Variants in STK32B observed in about 807,000 individuals in gnomAD.
STK32B encodes the protein serine/threonine kinase 32B.
STK32B carries 43 observed loss-of-function variants against 52.6 expected under a neutral mutation model. The ratio of observed to expected loss-of-function variants is 0.82; its 90% CI spans 0.64 to 1.05. STK32B has a LOEUF of 1.05. STK32B is among the 50% of genes least tolerant of loss of function. STK32B has a pLI of 0.00. For synonymous variants in STK32B, 238 were observed against 204.3 expected (o/e 1.17, Z -1.41); for missense variants, 621 against 534.6 (o/e 1.16, Z -1.59).
chr4:5,352,662 C>T (rs2108987368), intron 4 of STK32B, among the ~76,000 whole-genome samples: 1 of 151,510 alleles, frequency 6.6e-6, no homozygotes, highest in African/African-American at 2.4e-5. Context: ...TCATTTGTCC[C>T]TCTTTGCTGA....
chr4:5,236,078 T>C (rs1724612852), intron 3 of STK32B, among the ~76,000 whole-genome samples: 1 of 152,156 alleles, frequency 6.6e-6, no homozygotes, highest in African/African-American at 2.4e-5. Flanking sequence ...ATCTGGACTC[T>C]TACTGGCATG....
the STK32B span, among the ~76,000 whole-genome samples, chr4:5,028,258 T>TCTGGGACTACAGGAGTAG: frequency 2.0e-5 from 3 of 152,158 alleles, no homozygotes; most frequent in Non-Finnish European, 4.4e-5. Context: ...CTCAGGAGGA[T>TCTGGGACTACAGGAGTAG]CTGGGACTAC....
intron 1 of STK32B, among the ~76,000 whole-genome samples, chr4:5,123,055 A>G (rs1453564874): frequency 6.6e-6 from 1 of 151,556 alleles, no homozygotes; most frequent in Non-Finnish European, 1.5e-5. Flanking sequence ...CTTTATCACC[A>G]CAGCTGCCTC....
At position 5,414,836 on chromosome 4, in the gene STK32B, T is replaced by TG. The variant is rs3836547; in HGVS notation, c.473-2008dup. On this transcript the variant is annotated intron_variant, in intron 5 of 11. Coordinates refer to ENST00000282908, the MANE Select transcript of STK32B (RefSeq NM_018401.3). ...TAAAGGGGTAACCCAAAAACATGTCTGTATTCTTTCACTTATTTTAATGAG... is the reference window on the plus strand; with the variant it reads ...TAAAGGGGTAACCCAAAAACATGTCTGGTATTCTTTCACTTATTTTAATGAG... Among the ~76,000 whole-genome samples, 772 of 152,366 alleles carry TG rather than the reference T, an allele frequency of 5.1e-3. 23 individuals are homozygous for TG. In the East Asian group the frequency reaches 0.073, roughly 14 times the overall value.
chr4:5,335,480 C>T (rs1383239839), intron 4 of STK32B, among the ~76,000 whole-genome samples: 1 of 152,100 alleles, frequency 6.6e-6, no homozygotes, highest in African/African-American at 2.4e-5. Context: ...CTCTTTCCTT[C>T]AGTTCTGCTC....
chr4:5,255,298 T>G (rs887864268), intron 3 of STK32B, among the ~76,000 whole-genome samples: 3 of 152,230 alleles, frequency 2.0e-5, no homozygotes, highest in African/African-American at 7.2e-5. Flanking sequence ...GTAGAAAATT[T>G]AATGAGATTT....
At chr4:5,110,242 GA>G (rs34541703) in intron 1 of STK32B, among the ~76,000 whole-genome samples, 106,912 of 130,924 alleles carry the variant, frequency 0.82, 42,280 homozygotes, top group East Asian at 0.99. Context: ...CACAAAATTA[GA>G]AAAAAAAATC....
intron 3 of STK32B, among the ~76,000 whole-genome samples, chr4:5,173,281 GT>G (rs1487527810): frequency 1.3e-5 from 2 of 152,136 alleles, no homozygotes; most frequent in Non-Finnish European, 2.9e-5. Context: ...TTTTTTGAAG[GT>G]TTTTTTGTGT....
At chr4:5,333,613 T>A (rs1224147049) in intron 4 of STK32B, among the ~76,000 whole-genome samples, 1 of 152,254 alleles carries the variant, frequency 6.6e-6, no homozygotes, top group Admixed American at 6.5e-5. Flanking sequence ...GTTTTAGGTC[T>A]GACATTTAAG....
chr4:5,349,145 C>T (rs1733665119), intron 4 of STK32B, among the ~76,000 whole-genome samples: 1 of 152,158 alleles, frequency 6.6e-6, no homozygotes, highest in South Asian at 2.1e-4. Flanking sequence ...CCATTCTTAG[C>T]ACCTGAGAAA....
In STK32B at chr4:5,051,886, A is replaced by G; in HGVS notation, c.23A>G (p.Lys8Arg). The part of the protein sequence containing the change: MGGNHSH[K>R]PPVFDENEEV... ...AATATGGGCGGGAACCACTCCCACA[A>G]GCCCCCCGTGTTTGACGAGAATGAG... Residue 8 changes from lysine to arginine, a missense_variant, in exon 1 of 12, where the codon AAG (lysine) becomes AGG (arginine). Transcript: ENST00000282908. The G allele has an allele frequency of 1.2e-6, 2 of 1,600,564 alleles. No homozygotes were observed. Among genetic ancestry groups the G allele is most frequent in the Non-Finnish European group, 1.7e-6 (2 of 1,173,962 alleles).
At chr4:5,365,019 G>A (rs980580243) in intron 4 of STK32B, among the ~76,000 whole-genome samples, 4 of 152,080 alleles carry the variant, frequency 2.6e-5, no homozygotes, top group African/African-American at 7.2e-5. Flanking sequence ...GGGATTACAG[G>A]CATCCACCAC....
chr4:5,180,781 A>C (rs545782840), intron 3 of STK32B, among the ~76,000 whole-genome samples: 1 of 152,308 alleles, frequency 6.6e-6, no homozygotes, highest in Admixed American at 6.5e-5. Context: ...GACGTGCTCT[A>C]CAACTGGTAG....
chr4:5,043,858 T>C, the STK32B span, among the ~76,000 whole-genome samples: 2 of 152,218 alleles, frequency 1.3e-5, no homozygotes, highest in African/African-American at 2.4e-5. Context: ...CTTCTCGGGC[T>C]CCCAGCCCAG....
intron 3 of STK32B, among the ~76,000 whole-genome samples, chr4:5,238,351 C>T (rs1047651770): frequency 6.6e-6 from 1 of 152,020 alleles, no homozygotes; most frequent in Non-Finnish European, 1.5e-5. Context: ...TTCATAAGGC[C>T]TCTCTGTTTC....
chr4:5,042,019 G>T, the STK32B span, among the ~76,000 whole-genome samples: 1 of 152,146 alleles, frequency 6.6e-6, no homozygotes, highest in Non-Finnish European at 1.5e-5. Context: ...TCTACAGCGT[G>T]ATCGTGTTAC....
intron 1 of STK32B, among the ~76,000 whole-genome samples, chr4:5,089,973 G>A (rs1164489357): frequency 6.6e-6 from 1 of 152,138 alleles, no homozygotes; most frequent in East Asian, 1.9e-4. Flanking sequence ...CAGTGATGTT[G>A]AGCTTTTTTT....
In STK32B at chr4:5,174,650, A is replaced by T. The variant is rs151233122; in HGVS notation, c.260+6200A>T. On this transcript the variant is annotated intron_variant, in intron 3 of 11. Transcript: ENST00000282908. ...TGGCCTCCACTCTCTTCTGGCTTGT[A>T]GAGTTTCTGCCGAGAGATCAGCTGG... Among the ~76,000 whole-genome samples the T allele has an allele frequency of 9.0e-3, 1,371 of 152,294 alleles. 23 individuals are homozygous for T. The highest frequency in any genetic ancestry group is 0.023 in the South Asian group (113 of 4,812).
intron 3 of STK32B, among the ~76,000 whole-genome samples, chr4:5,192,702 C>G (rs906396640): frequency 1.2e-4 from 18 of 151,268 alleles, no homozygotes; most frequent in African/African-American, 3.4e-4. Context: ...CCATCCACCA[C>G]CTCACACAGT....
Sources: allele counts gnomAD v4.1 joint callset (sites outside exome capture counted in the v4.1 genomes callset), GRCh38; gene constraint gnomAD v4.1.1; transcripts MANE v1.5; gene names NCBI Gene and HGNC (gene_info 2026-07-23, HGNC 2026-07-21).